CIT: variants seen among roughly 807,000 people sequenced by gnomAD.
CIT encodes the protein citron Rho-interacting kinase.
Under a neutral mutation model 272.7 loss-of-function variants are expected in CIT, and 79 were observed. The ratio of observed to expected loss-of-function variants is 0.29; its 90% confidence interval spans 0.24 to 0.35. The LOEUF is 0.35. Among genes scored for constraint, CIT ranks in the 10% least tolerant of loss-of-function variants. The pLI, the probability that CIT is intolerant of heterozygous loss-of-function variation, is 1.00. For synonymous variants in CIT, 948 were observed against 995.6 expected, an observed-to-expected ratio of 0.95 and a Z score of 0.90; for missense variants, 1,909 against 2,618.3, an observed-to-expected ratio of 0.73 and a Z score of 5.91.
At chr12:119,706,809 G>A (rs1201914741) in intron 40 of CIT, among the ~76,000 whole-genome samples, 1 of 152,156 alleles carries the variant, frequency 6.6e-6, no homozygotes, top group Non-Finnish European at 1.5e-5. Flanking sequence ...ACCCAGTAAT[G>A]GGATTGCTGG....
At chr12:119,811,844 A>G (rs1465717822) in intron 9 of CIT, among the ~76,000 whole-genome samples, 1 of 152,206 alleles carries the variant, frequency 6.6e-6, no homozygotes, top group Non-Finnish European at 1.5e-5. Context: ...AATACTCAGA[A>G]GAGGAACGTT....
intron 9 of CIT, among the ~76,000 whole-genome samples, chr12:119,812,925 G>C (rs1019815181): frequency 3.3e-5 from 5 of 152,164 alleles, no homozygotes; most frequent in African/African-American, 1.2e-4. Flanking sequence ...ACTATGTCTT[G>C]AAAGTAAGGG....
chr12:119,825,114 TTTAAA>T (rs1186499293), intron 8 of CIT, 46 bp downstream of exon 8: 1 of 1,549,642 alleles, frequency 6.5e-7, no homozygotes, highest in Admixed American at 1.7e-5. Flanking sequence ...TCGCACAATT[TTTAAA>T]TAACGTTTCT....
chr12:119,857,667 G>A lies in CIT; in HGVS notation c.270C>T (p.Leu90=). The change falls in exon 4 of 48, where the codon CTC becomes CTT. Residue 90 remains leucine, a synonymous_variant. Coordinates refer to ENST00000392521, the MANE Select transcript of CIT (RefSeq NM_001206999.2). The part of the protein sequence containing the change: ...YSDTIAELQE[L]QPSAKDFEVR... ...CTTCGAAGTCCTTTGCCGAAGGCTG[G>A]AGCTCCTGTAACTCAGCTATGGTGT... 1 of 1,614,070 alleles carries A rather than the reference G, an allele frequency of 6.2e-7. No homozygotes were observed. Among genetic ancestry groups the A allele is most frequent in the Non-Finnish European group, 8.5e-7 (1 of 1,180,020 alleles).
At chr12:119,744,550 C>T (rs1424122135) in intron 23 of CIT, among the ~76,000 whole-genome samples, 1 of 151,570 alleles carries the variant, frequency 6.6e-6, no homozygotes, top group African/African-American at 2.4e-5. Flanking sequence ...ATGGTCTCTA[C>T]TAAAAAATAC....
At chr12:119,780,157 C>T (rs920064829) in intron 13 of CIT, among the ~76,000 whole-genome samples, 2 of 152,162 alleles carry the variant, frequency 1.3e-5, no homozygotes, top group African/African-American at 4.8e-5. Context: ...TTTTGTGTTA[C>T]CCACACTTTT....
chr12:119,734,057 G>T (rs186937656), intron 26 of CIT, 107 bp downstream of exon 26: 150 of 1,263,252 alleles, frequency 1.2e-4, no homozygotes, highest in Non-Finnish European at 1.5e-4. Context: ...TGTGACCCAG[G>T]AAACTTCTCA....
intron 5 of CIT, among the ~76,000 whole-genome samples, chr12:119,849,635 C>A (rs11064927): frequency 3.3e-5 from 5 of 151,830 alleles, no homozygotes; most frequent in African/African-American, 7.3e-5. Context: ...CTATTATTGC[C>A]TGAAAGCCAC....
At chr12:119,833,533 T>C (rs184249616) in intron 6 of CIT, among the ~76,000 whole-genome samples, 4,210 of 151,810 alleles carry the variant, frequency 0.028, 113 homozygotes, top group East Asian at 0.13. Flanking sequence ...GGCATGGCGG[T>C]GCGTGCCTGT....
rs1241530329 is a variant in CIT at position 119,690,136 on chromosome 12, G to C, written c.6186+15C>G. On this transcript the variant is annotated intron_variant, in intron 47 of 47. Transcript: ENST00000392521. The surrounding 1 kb of genome is among the most constrained non-coding windows in gnomAD (Gnocchi z 6.0). ...CCTCCGCAACAGACACACAGGCCTC[G>C]GAATGCTGCCTCACCTTGTTCACCT... The C allele has an allele frequency of 6.9e-7, 1 of 1,454,280 alleles. No individual in the cohort carries two copies. Among genetic ancestry groups the C allele is most frequent in the Non-Finnish European group, 9.0e-7 (1 of 1,111,148 alleles). The allele number at this position is 1,454,280 out of a possible 1,614,324, so 90.1% of individuals were successfully genotyped here. A position where few individuals can be genotyped will look rare whatever the true frequency, so the allele number is the denominator to read the frequency against.
In CIT at chr12:119,704,216, G is replaced by A. The variant is rs1469844159; in HGVS notation, c.5304+147C>T. On this transcript the variant is annotated intron_variant, in intron 41 of 47. Coordinates refer to ENST00000392521, the MANE Select transcript of CIT (RefSeq NM_001206999.2). ...TCCACAAAGGAAGGATCTCGCTGAC[G>A]ACAGAGGTCACCCCAGGCTAAAGGC... 3.5e-5 allele frequency: 23 copies of A among 657,898 alleles called. 1 individual carries two copies. Among genetic ancestry groups the A allele is most frequent in the East Asian group, 3.4e-4 (12 of 35,806 alleles). The allele number at this position is 657,898 out of a possible 1,614,324, so 40.8% of individuals were successfully genotyped here.
chr12:119,689,292 G>T (rs1036422265), intron 47 of CIT, among the ~76,000 whole-genome samples: 15 of 151,948 alleles, frequency 9.9e-5, no homozygotes, highest in African/African-American at 2.9e-4. Flanking sequence ...TGAAGTGAGA[G>T]GATCACTTGA....
chr12:119,861,750 C>T (rs1950344901), intron 3 of CIT, among the ~76,000 whole-genome samples: 1 of 152,138 alleles, frequency 6.6e-6, no homozygotes, highest in Non-Finnish European at 1.5e-5. Flanking sequence ...CATCCATTGT[C>T]CACAGAAATA....
At chr12:119,800,745 A>G (rs932202076) in intron 10 of CIT, among the ~76,000 whole-genome samples, 6 of 152,240 alleles carry the variant, frequency 3.9e-5, no homozygotes, top group Admixed American at 2.6e-4. Context: ...GCTGGCAGCA[A>G]AGGTGGTACC....
chr12:119,776,519 G>A (rs780769840), intron 14 of CIT, 111 bp from the exon 15 acceptor site: 9 of 1,142,036 alleles, frequency 7.9e-6, no homozygotes, highest in Non-Finnish European at 8.9e-6. Flanking sequence ...TAAGAATAAT[G>A]TTATCTTCTG....
At chr12:119,807,670 C>T (rs1040893319) in intron 9 of CIT, among the ~76,000 whole-genome samples, 32 of 152,188 alleles carry the variant, frequency 2.1e-4, no homozygotes, top group African/African-American at 6.7e-4. Flanking sequence ...TAACATAACA[C>T]AGGCCACAAA....
intron 3 of CIT, among the ~76,000 whole-genome samples, chr12:119,862,808 TAAAAA>T (rs1157467178): frequency 1.7e-3 from 17 of 10,240 alleles, no homozygotes; most frequent in African/African-American, 3.8e-3. Context: ...AGACTCTACC[TAAAAA>T]AAAAAAAAAA....
At chr12:119,719,140 G>A in intron 30 of CIT, 1 of 401,766 alleles carries the variant, frequency 2.5e-6, no homozygotes, top group East Asian at 5.2e-5. Context: ...AGACAGGAGA[G>A]TCATGTCCTG....
intron 2 of CIT, among the ~76,000 whole-genome samples, chr12:119,869,528 G>A (rs1206140289): frequency 6.6e-6 from 1 of 152,184 alleles, no homozygotes; most frequent in Non-Finnish European, 1.5e-5. Flanking sequence ...GCTCTGACAT[G>A]CTTCCATGTT....
Sources: gnomAD v4.1 joint callset for allele counts (sites outside exome capture counted in the v4.1 genomes callset) on GRCh38, gnomAD v4.1.1 for gene constraint, Gnocchi (gnomAD v3.1) non-coding constraint, MANE v1.5 for transcripts, NCBI Gene and HGNC (gene_info 2026-07-23, HGNC 2026-07-21) for gene names.